The following SLC25A30 variants were observed in gnomAD, a reference collection of about 807,000 sequenced individuals.
SLC25A30 encodes kidney mitochondrial carrier protein 1.
SLC25A30 carries 29 observed loss-of-function variants against 42.7 expected under a neutral mutation model. That is an observed-to-expected ratio of 0.68 (90% CI 0.51 to 0.93). The LOEUF is 0.93. Ranked by LOEUF, SLC25A30 falls within the 40% of genes least tolerant of loss-of-function variation. SLC25A30 has a pLI of 0.00. For missense variants in SLC25A30, 300 were observed against 359.7 expected, an observed-to-expected ratio of 0.83 and a Z score of 1.34; for synonymous variants, 124 against 131.0, an observed-to-expected ratio of 0.95 and a Z score of 0.37.
Position 45,394,801 on chromosome 13 carries a change from G to A in SLC25A30, c.*1173C>T. On this transcript the variant is annotated 3_prime_UTR_variant, in exon 10 of 10. Transcript: ENST00000519676. ...AAACTAGCTAAATAGATGCACTAAA[G>A]AAATCATTTTTAAAATTTCAAGCAG... 1 of 985,246 alleles carries A rather than the reference G, an allele frequency of 1.0e-6. No individual in the cohort carries two copies. Among genetic ancestry groups the A allele is most frequent in the South Asian group, 4.7e-5 (1 of 21,280 alleles). 61.0% of individuals were successfully genotyped at this position (985,246 alleles called of 1,614,324 possible).
intron 9 of SLC25A30, 68 bp downstream of exon 9, chr13:45,397,190 G>C (rs1304929113): frequency 9.6e-7 from 1 of 1,039,706 alleles, no homozygotes; most frequent in Non-Finnish European, 1.5e-6. Context: ...TTAATAACAT[G>C]AGAGTTTATA....
At position 45,408,993 on chromosome 13, in the gene SLC25A30, T is replaced by C. The variant is rs1882768597; in HGVS notation, c.146A>G (p.Tyr49Cys). 1 of 1,613,886 alleles carries C rather than the reference T, an allele frequency of 6.2e-7. No homozygotes were observed. Among genetic ancestry groups the C allele is most frequent in the Admixed American group, 1.7e-5 (1 of 59,936 alleles). The stretch of plus-strand genomic sequence containing the variant: ...CACTAATGCGTGCAACATTCCTCGG[T>C]ATCTAATTTCCTTAAATTTTGCATC... Reference protein sequence around the residue: ...TNDAKFKEIRYRGMLHALVRI... With the variant: ...TNDAKFKEIRCRGMLHALVRI... The change falls in exon 3 of 10, where the codon TAC (tyrosine) becomes TGC (cysteine). Residue 49 changes from tyrosine (Y) to cysteine (C), a missense_variant. Physicochemically the swap from Tyr to Cys is radical, Grantham distance 194. Coordinates refer to ENST00000519676, the MANE Select transcript of SLC25A30 (RefSeq NM_001010875.4).
rs1883013493 is a variant in SLC25A30 at position 45,411,389 on chromosome 13, C to T, written c.37G>A (p.Gly13Arg). 1 of 1,614,124 alleles carries T rather than the reference C, an allele frequency of 6.2e-7. No individual in the cohort carries two copies. The highest frequency in any genetic ancestry group is 8.5e-7 in the Non-Finnish European group (1 of 1,179,978). ...CACTCAGCAGTGATGGAGGCCAGCCCCCCGTACACAAACGGCTTCCAGTTG... is the reference window on the plus strand; with the variant it reads ...CACTCAGCAGTGATGGAGGCCAGCCTCCCGTACACAAACGGCTTCCAGTTG... ...ALNWKPFVYG[G>R]LASITAECGT... Residue 13 changes from glycine to arginine, a missense_variant, in exon 2 of 10, where the codon GGG (glycine) becomes AGG (arginine). Physicochemically the swap from Gly to Arg is moderately radical, Grantham distance 125. Transcript: ENST00000519676.
the SLC25A30 span, among the ~76,000 whole-genome samples, chr13:45,426,548 TA>T: frequency 6.6e-6 from 1 of 152,138 alleles, no homozygotes; most frequent in Non-Finnish European, 1.5e-5. Flanking sequence ...AATTTGCATT[TA>T]AATATTGCAG....
intron 3 of SLC25A30, 75 bp from the exon 4 acceptor site, chr13:45,406,052 A>G (rs1882474873): frequency 2.3e-6 from 3 of 1,318,210 alleles, no homozygotes; most frequent in East Asian, 4.6e-5. Context: ...CCACATGCAG[A>G]GTGCCATCCA....
chr13:45,397,536 CAA>C, intron 8 of SLC25A30, 198 bp from the exon 9 acceptor site: 5 of 374,788 alleles, frequency 1.3e-5, no homozygotes, highest in South Asian at 3.6e-5. Flanking sequence ...ACTAAAAATA[CAA>C]AAAAAAAATT....
chr13:45,398,887 G>T, intron 8 of SLC25A30, 53 bp downstream of exon 8: 5 of 1,579,718 alleles, frequency 3.2e-6, no homozygotes, highest in South Asian at 1.2e-5. Context: ...TTACTTCTTA[G>T]ATCAAAAAAA....
At chr13:45,424,267 A>G in the SLC25A30 span, among the ~76,000 whole-genome samples, 1 of 172 alleles carries the variant, frequency 5.8e-3, no homozygotes, top group Admixed American at 0.12. Flanking sequence ...GTAAATATAT[A>G]TAAATATATA....
At position 45,395,959 on chromosome 13, in the gene SLC25A30, T is replaced by C. The variant is rs1357695504; in HGVS notation, c.*15A>G. The C allele has an allele frequency of 6.2e-7, 1 of 1,614,088 alleles. No homozygotes were observed. The highest frequency in any genetic ancestry group is 1.3e-5 in the African/African-American group (1 of 74,944). ...TTACCATTTTCAGAAAGATGTCTCA[T>C]GCAGCCTTGGCTTGTCACAAATCCA... is the stretch of plus-strand genomic sequence containing the variant. On this transcript the variant is annotated 3_prime_UTR_variant, in exon 10 of 10. Coordinates refer to ENST00000519676, the MANE Select transcript of SLC25A30 (RefSeq NM_001010875.4).
At chr13:45,400,146 C>T (rs968318632) in intron 7 of SLC25A30, among the ~76,000 whole-genome samples, 1 of 151,424 alleles carries the variant, frequency 6.6e-6, no homozygotes, top group African/African-American at 2.4e-5. Flanking sequence ...AAGGCCAGGC[C>T]GGCAATGGCT....
At chr13:45,403,947 A>T (rs1449585178) in intron 5 of SLC25A30, among the ~76,000 whole-genome samples, 1 of 152,114 alleles carries the variant, frequency 6.6e-6, no homozygotes, top group East Asian at 1.9e-4. Flanking sequence ...AAAAAAAAAA[A>T]AAAAAAAGAT....
At chr13:45,396,356 C>T in intron 9 of SLC25A30, 6 of 1,143,470 alleles carry the variant, frequency 5.2e-6, no homozygotes, top group Non-Finnish European at 6.5e-6. Flanking sequence ...GTTAGCAAGC[C>T]CTGGGAAGCT....
intron 3 of SLC25A30, among the ~76,000 whole-genome samples, chr13:45,406,603 CG>C (rs1566208151): frequency 1.3e-5 from 2 of 152,156 alleles, no homozygotes; most frequent in African/African-American, 4.8e-5. Flanking sequence ...GGACACTCCC[CG>C]GGTGTCTTTC....
At chr13:45,425,597 C>CAT in the SLC25A30 span, among the ~76,000 whole-genome samples, 68 of 38,138 alleles carry the variant, frequency 1.8e-3, 12 homozygotes, top group South Asian at 3.6e-3. Flanking sequence ...TATATATATA[C>CAT]ATATATATAT....
chr13:45,421,476 T>C (rs1309309488), upstream of SLC25A30, among the ~76,000 whole-genome samples: 1 of 152,138 alleles, frequency 6.6e-6, no homozygotes, highest in Non-Finnish European at 1.5e-5. Flanking sequence ...AAGCAACTTC[T>C]TTTTCATCTA....
At chr13:45,422,217 C>A (rs1351184633), upstream of SLC25A30, among the ~76,000 whole-genome samples, 2 of 152,150 alleles carry the variant, frequency 1.3e-5, no homozygotes, top group African/African-American at 4.8e-5. Context: ...AGGAATGATG[C>A]AGATAATATG....
intron 9 of SLC25A30, 121 bp from the exon 10 acceptor site, chr13:45,396,136 C>A: frequency 6.3e-7 from 1 of 1,595,676 alleles, no homozygotes; most frequent in African/African-American, 1.3e-5. Context: ...ACGCTATGGA[C>A]ACGATTAAAT....
chr13:45,432,475 C>A, the SLC25A30 span, among the ~76,000 whole-genome samples: 1 of 152,000 alleles, frequency 6.6e-6, no homozygotes, highest in African/African-American at 2.4e-5. Flanking sequence ...TATCATTATT[C>A]CACACATCTC....
chr13:45,406,903 GCTT>G (rs1455975527), intron 3 of SLC25A30, among the ~76,000 whole-genome samples: 1 of 152,078 alleles, frequency 6.6e-6, no homozygotes, highest in Admixed American at 6.5e-5. Flanking sequence ...TCTATCCTAT[GCTT>G]CTTCTCTCCT....
Sources: allele counts gnomAD v4.1 joint callset (sites outside exome capture counted in the v4.1 genomes callset), GRCh38; gene constraint gnomAD v4.1.1; transcripts MANE v1.5; gene names NCBI Gene and HGNC (gene_info 2026-07-23, HGNC 2026-07-21).